The following ZNF384 variants were observed in gnomAD, a reference collection of about 807,000 sequenced individuals.
The protein encoded by ZNF384 is CAG repeat protein 1.
ZNF384 carries 20 observed loss-of-function variants against 65.0 expected under a neutral mutation model. The observed-to-expected ratio is 0.31, with a 90% CI of 0.22 to 0.45. The LOEUF is 0.45. Ranked by LOEUF, ZNF384 falls within the 20% of genes least tolerant of loss-of-function variation. The pLI is 1.00. For synonymous variants in ZNF384, 310 were observed against 303.9 expected (o/e 1.02, Z -0.21); for missense variants, 549 against 769.4 (o/e 0.71, Z 3.39).
chr12:6,687,498 A>G (rs1430058850), intron 2 of ZNF384, among the ~76,000 whole-genome samples: 1 of 151,794 alleles, frequency 6.6e-6, no homozygotes, highest in Non-Finnish European at 1.5e-5. Context: ...TTATAAACCA[A>G]CCTCTGGGAT....
chr12:6,680,407 G>A (rs1408367135), intron 2 of ZNF384, among the ~76,000 whole-genome samples: 1 of 152,156 alleles, frequency 6.6e-6, no homozygotes, highest in Admixed American at 6.5e-5. Flanking sequence ...CCAGCACTTT[G>A]GGAGGCTGAG....
At chr12:6,670,660 T>C (rs1163767863) in intron 10 of ZNF384, 100 bp downstream of exon 10, 1 of 1,106,190 alleles carries the variant, frequency 9.0e-7, no homozygotes, top group Non-Finnish European at 1.4e-6. Flanking sequence ...CAATAATGTT[T>C]GAGTGTAAAG....
At chr12:6,668,174 T>C in intron 11 of ZNF384, 59 bp from the exon 12 acceptor site, 1 of 1,466,412 alleles carries the variant, frequency 6.8e-7, no homozygotes. Context: ...AGATTACTTG[T>C]AACTAGCACC....
intron 2 of ZNF384, among the ~76,000 whole-genome samples, chr12:6,681,270 T>C (rs1042037685): frequency 6.7e-6 from 1 of 150,008 alleles, no homozygotes; most frequent in African/African-American, 2.5e-5. Context: ...CTCCGAATCA[T>C]GCCAACAAAT....
rs1369952735 is a variant in ZNF384 at position 6,673,761 on chromosome 12, T to G, written c.780-321A>C. 1.3e-5 allele frequency among the ~76,000 whole-genome samples: 2 copies of G among 152,236 alleles called. No individual in the cohort carries two copies. The highest frequency in any genetic ancestry group is 6.5e-5 in the Admixed American group (1 of 15,282). ...AGGAATATCAGTTAACTTGTTTGCC[T>G]TCTGCTTACAGCTTGATTTCAAACA... On this transcript the variant is annotated intron_variant, in intron 7 of 11. Coordinates refer to ENST00000683879, the MANE Select transcript of ZNF384 (RefSeq NM_001385745.1). The surrounding 1 kb of genome is among the most constrained non-coding windows in gnomAD (Gnocchi z 4.7).
chr12:6,683,658 T>C (rs60949067), intron 2 of ZNF384, among the ~76,000 whole-genome samples: 1,859 of 117,776 alleles, frequency 0.016, 25 homozygotes, highest in East Asian at 0.028. Context: ...CAAGACCCTG[T>C]CTCAAAAAAA....
At chr12:6,681,194 A>G (rs1168888788) in intron 2 of ZNF384, among the ~76,000 whole-genome samples, 2 of 151,424 alleles carry the variant, frequency 1.3e-5, no homozygotes, top group Non-Finnish European at 2.9e-5. Context: ...CTGGGCAACA[A>G]GAGTGAAACG....
intron 6 of ZNF384, among the ~76,000 whole-genome samples, chr12:6,677,711 C>A (rs1259492197): frequency 2.6e-5 from 4 of 152,072 alleles, no homozygotes; most frequent in Admixed American, 2.0e-4. Context: ...TGTTCAAATG[C>A]GACCCAGGAA....
At chr12:6,676,854 G>A (rs1953818640) in intron 7 of ZNF384, among the ~76,000 whole-genome samples, 1 of 152,150 alleles carries the variant, frequency 6.6e-6, no homozygotes, top group East Asian at 1.9e-4. Flanking sequence ...GGGTACACCT[G>A]TAATAATAAA....
At chr12:6,683,434 T>C (rs1282080597) in intron 2 of ZNF384, among the ~76,000 whole-genome samples, 2 of 151,894 alleles carry the variant, frequency 1.3e-5, no homozygotes, top group East Asian at 1.9e-4. Context: ...TCCTAACACT[T>C]TGGGAGGGCG....
Position 6,678,048 on chromosome 12 carries a change from G to A in ZNF384, c.686+79C>T, listed in dbSNP as rs1050271616. ...TGTCAGAGTGTAGCGCCTGACCGGG[G>A]CAGAACACAATGAGGGTACAGGGAG... On this transcript the variant is annotated intron_variant, in intron 6 of 11. Coordinates refer to ENST00000683879, the MANE Select transcript of ZNF384 (RefSeq NM_001385745.1). This position sits in a 1 kb window ranked among gnomAD's most constrained non-coding sequence, Gnocchi z 4.9. 4.4e-6 allele frequency: 6 copies of A among 1,369,472 alleles called. No individual in the cohort carries two copies. Among genetic ancestry groups the A allele is most frequent in the Non-Finnish European group, 6.1e-6 (6 of 986,566 alleles). 84.8% of individuals were successfully genotyped at this position (1,369,472 alleles called of 1,614,324 possible).
chr12:6,673,419 T>C lies in ZNF384; in HGVS notation c.801A>G (p.Thr267=). Residue 267 remains threonine (T), a synonymous_variant, in exon 8 of 12, where the codon ACA becomes ACG. Transcript: ENST00000683879. The surrounding 1 kb of genome is among the most constrained non-coding windows in gnomAD (Gnocchi z 4.7). ...CDPGCRMCSL[T]FYSKSEMQIH... ...TCTGCATCTCCGACTTGGAGTAGAA[T>C]GTCAGTGAGCACATCCGGCACCTGA... The C allele has an allele frequency of 6.2e-7, 1 of 1,613,874 alleles. No homozygotes were observed. Among genetic ancestry groups the C allele is most frequent in the South Asian group, 1.1e-5 (1 of 91,046 alleles).
Position 6,689,357 on chromosome 12 carries a change from C to G in ZNF384, c.-325G>C, listed in dbSNP as rs1252591283. On this transcript the variant is annotated 5_prime_UTR_variant, in exon 1 of 12. Coordinates refer to ENST00000683879, the MANE Select transcript of ZNF384 (RefSeq NM_001385745.1). ...GGCCCCCCCTCCTTGCTGCCCTCCC[C>G]TTGCACTCACCCGGAAGTGGTGCTG... The G allele has an allele frequency of 6.6e-6, 1 of 152,622 alleles. No homozygotes were observed. Among genetic ancestry groups the G allele is most frequent in the Non-Finnish European group, 1.5e-5 (1 of 68,328 alleles). 9.5% of individuals were successfully genotyped at this position (152,622 alleles called of 1,614,324 possible). A position where few individuals can be genotyped will look rare whatever the true frequency, so the allele number is the denominator to read the frequency against.
chr12:6,674,028 C>T (rs1592377467), intron 7 of ZNF384, among the ~76,000 whole-genome samples: 4 of 152,332 alleles, frequency 2.6e-5, no homozygotes, highest in Admixed American at 2.6e-4. Flanking sequence ...GCTCTCCACC[C>T]TCTTATCTGA....
At chr12:6,676,041 T>C (rs557206716) in intron 7 of ZNF384, among the ~76,000 whole-genome samples, 1 of 152,338 alleles carries the variant, frequency 6.6e-6, no homozygotes, top group Non-Finnish European at 1.5e-5. Context: ...GGCTCACACC[T>C]GTAATCCCAG....
In ZNF384 at chr12:6,669,093, T is replaced by C; in HGVS notation, c.1363A>G (p.Thr455Ala). The change falls in exon 11 of 12, where the codon ACG becomes GCG. Residue 455 changes from threonine to alanine, a missense_variant. Physicochemically the swap from Thr to Ala is moderately conservative, Grantham distance 58. This residue lies in a region of ZNF384 where 38 missense variants were observed against 99.7 expected (regional missense o/e 0.38). Transcript: ENST00000683879. ...DAASLEVHLS[T>A]HTVKHAKVYT... is the part of the protein sequence containing the mutation. ...ACCTTGGCATGCTTCACTGTGTGCGTAGACAGGTGCACCTCTAGTGAGGCT... is the reference window on the plus strand; with the variant it reads ...ACCTTGGCATGCTTCACTGTGTGCGCAGACAGGTGCACCTCTAGTGAGGCT... The C allele has an allele frequency of 6.2e-7, 1 of 1,614,066 alleles. No individual in the cohort carries two copies. Among genetic ancestry groups the C allele is most frequent in the Non-Finnish European group, 8.5e-7 (1 of 1,179,946 alleles).
chr12:6,670,786 C>T lies in ZNF384; in HGVS notation c.1240G>A (p.Ala414Thr). The T allele has an allele frequency of 6.2e-7, 1 of 1,614,156 alleles. No individual in the cohort carries two copies. The highest frequency in any genetic ancestry group is 8.5e-7 in the Non-Finnish European group (1 of 1,180,018). The stretch of plus-strand genomic sequence containing the variant: ...TGCAGATTGGAGAGTTGTGTGAAGG[C>T]TTTCTCACAGCCTGGGTGTGCACAT... The part of the protein sequence containing the change: ...YKCAHPGCEK[A>T]FTQLSNLQSH... The change falls in exon 10 of 12, where the codon GCC (alanine) becomes ACC (threonine). Residue 414 changes from alanine (A) to threonine (T), a missense_variant. This residue lies in a region of ZNF384 where 38 missense variants were observed against 99.7 expected (regional missense o/e 0.38). Coordinates refer to ENST00000683879, the MANE Select transcript of ZNF384 (RefSeq NM_001385745.1).
Position 6,677,198 on chromosome 12 carries a change from C to T in ZNF384, c.748G>A (p.Gly250Ser), listed in dbSNP as rs1953979976. The change falls in exon 7 of 12, where the codon GGC becomes AGC. Residue 250 changes from glycine (G) to serine (S), a missense_variant. Gly to Ser is a moderately conservative substitution (Grantham distance 56). Transcript: ENST00000683879. ...QSLGLMDSVP[G>S]STTNLLCDPG... ...TCACACAGCAAATTCGTGGTGGAGCCGGGAACTGAATCCATGAGCCCAAGG... is the reference window on the plus strand; with the variant it reads ...TCACACAGCAAATTCGTGGTGGAGCTGGGAACTGAATCCATGAGCCCAAGG... The T allele has an allele frequency of 3.2e-6, 4 of 1,246,502 alleles. No homozygotes were observed. The highest frequency in any genetic ancestry group is 1.3e-5 in the South Asian group (1 of 79,518). The allele number at this position is 1,246,502 out of a possible 1,614,324, so 77.2% of individuals were successfully genotyped here. A position where few individuals can be genotyped will look rare whatever the true frequency, so the allele number is the denominator to read the frequency against.
rs764884473 is a variant in ZNF384, at chr12:6,678,285, T to G, written c.528A>C (p.Gly176=). Residue 176 remains glycine (G), a synonymous_variant, in exon 6 of 12, where the codon GGA becomes GGC. Coordinates refer to ENST00000683879, the MANE Select transcript of ZNF384 (RefSeq NM_001385745.1). This position sits in a 1 kb window ranked among gnomAD's most constrained non-coding sequence, Gnocchi z 4.9. ...KKVASTLTEE[G]GGGGGGGGSV... ...TGCCACCTCCACCACCACCTCCGCCTCCTTCCTCGGTTAGGGTCGATGCTA... is the reference window on the plus strand; with the variant it reads ...TGCCACCTCCACCACCACCTCCGCCGCCTTCCTCGGTTAGGGTCGATGCTA... 3 of 1,613,956 alleles carry G rather than the reference T, an allele frequency of 1.9e-6. No individual in the cohort carries two copies. Among genetic ancestry groups the G allele is most frequent in the Non-Finnish European group, 2.5e-6 (3 of 1,180,008 alleles).
Sources: allele counts gnomAD v4.1 joint callset (sites outside exome capture counted in the v4.1 genomes callset), GRCh38; gene constraint gnomAD v4.1.1; regional missense constraint gnomAD v4.1.1; non-coding constraint Gnocchi (gnomAD v3.1); transcripts MANE v1.5; gene names NCBI Gene and HGNC (gene_info 2026-07-23, HGNC 2026-07-21).